The following THSD7B variants were observed in gnomAD, a reference collection of about 807,000 sequenced individuals.
THSD7B encodes thrombospondin type-1 domain-containing protein 7B.
Under a neutral mutation model 213.6 loss-of-function variants are expected in THSD7B, and 138 were observed. The observed-to-expected ratio is 0.65, with a 90% CI of 0.56 to 0.74. The LOEUF (loss-of-function observed/expected upper bound fraction) is 0.74, where lower values mean the gene tolerates loss of function less well. Ranked by LOEUF, THSD7B falls within the 30% of genes least tolerant of loss-of-function variation. THSD7B has a pLI of 0.00. For synonymous variants in THSD7B, 742 were observed against 687.0 expected, an observed-to-expected ratio of 1.08 and a Z score of -1.25; for missense variants, 1,931 against 1,991.5, an observed-to-expected ratio of 0.97 and a Z score of 0.58.
chr2:137,552,846 G>A (rs185244946), intron 15 of THSD7B, among the ~76,000 whole-genome samples: 119 of 152,298 alleles, frequency 7.8e-4, no homozygotes, highest in Non-Finnish European at 1.2e-3. Context: ...GTAAATTGGA[G>A]GAGAGTATAG....
At chr2:136,936,764 A>G (rs1476227201) in intron 2 of THSD7B, among the ~76,000 whole-genome samples, 1 of 152,158 alleles carries the variant, frequency 6.6e-6, no homozygotes, top group Non-Finnish European at 1.5e-5. Context: ...ACGAATCACC[A>G]CTAAAGAGCT....
At chr2:137,144,979 A>T (rs1679665762) in intron 5 of THSD7B, among the ~76,000 whole-genome samples, 1 of 152,038 alleles carries the variant, frequency 6.6e-6, no homozygotes, top group Non-Finnish European at 1.5e-5. Context: ...TAAAAGTAGG[A>T]TATTATTATA....
At chr2:137,403,090 T>C (rs1686410320) in intron 12 of THSD7B, among the ~76,000 whole-genome samples, 1 of 152,140 alleles carries the variant, frequency 6.6e-6, no homozygotes, top group Non-Finnish European at 1.5e-5. Context: ...GTTGGCTTGA[T>C]GTGTGATGGA....
chr2:136,806,472 T>C (rs1454595978), intron 1 of THSD7B, among the ~76,000 whole-genome samples: 2 of 152,226 alleles, frequency 1.3e-5, no homozygotes, highest in African/African-American at 4.8e-5. Flanking sequence ...ACTTAATAAA[T>C]GATAATGGGA....
chr2:137,344,975 G>A (rs1378154939), intron 12 of THSD7B, among the ~76,000 whole-genome samples: 1 of 151,576 alleles, frequency 6.6e-6, no homozygotes, highest in Non-Finnish European at 1.5e-5. Flanking sequence ...TCCCTGTACA[G>A]AGAGTGACTC....
intron 13 of THSD7B, among the ~76,000 whole-genome samples, chr2:137,406,948 C>G (rs1386546044): frequency 6.6e-6 from 1 of 152,234 alleles, no homozygotes; most frequent in South Asian, 2.1e-4. Flanking sequence ...GTTCAGGGGC[C>G]AATGAATGAA....
At chr2:137,530,909 T>G (rs1680385022) in intron 15 of THSD7B, among the ~76,000 whole-genome samples, 1 of 152,012 alleles carries the variant, frequency 6.6e-6, no homozygotes, top group Non-Finnish European at 1.5e-5. Context: ...CATTGGTCCT[T>G]GAATTCCAAT....
chr2:137,342,632 T>C (rs1356887315), intron 12 of THSD7B, among the ~76,000 whole-genome samples: 1 of 151,714 alleles, frequency 6.6e-6, no homozygotes, highest in Non-Finnish European at 1.5e-5. Context: ...TTGAATATAA[T>C]ATTAGCTGTG....
At chr2:136,891,379 G>T (rs1558840909) in intron 2 of THSD7B, among the ~76,000 whole-genome samples, 1 of 152,168 alleles carries the variant, frequency 6.6e-6, no homozygotes, top group Non-Finnish European at 1.5e-5. Context: ...GGGCTTCACT[G>T]TCAAAATATT....
At chr2:137,164,685 G>C (rs1680086504) in intron 6 of THSD7B, among the ~76,000 whole-genome samples, 1 of 152,144 alleles carries the variant, frequency 6.6e-6, no homozygotes. Context: ...ATACACCATA[G>C]AATACTATGC....
At chr2:137,199,881 T>G (rs1220235904) in intron 7 of THSD7B, among the ~76,000 whole-genome samples, 1 of 152,126 alleles carries the variant, frequency 6.6e-6, no homozygotes, top group East Asian at 1.9e-4. Context: ...TAAAATAGTT[T>G]CCAAAGGCCA....
chr2:137,052,574 T>G (rs1421548156), intron 2 of THSD7B, among the ~76,000 whole-genome samples: 1 of 152,100 alleles, frequency 6.6e-6, no homozygotes, highest in Non-Finnish European at 1.5e-5. Flanking sequence ...AAGCAAGGTT[T>G]TTTTGTATGT....
intron 2 of THSD7B, among the ~76,000 whole-genome samples, chr2:137,056,063 GT>G (rs1182675697): frequency 6.6e-6 from 1 of 152,172 alleles, no homozygotes; most frequent in Non-Finnish European, 1.5e-5. Flanking sequence ...GAACGTAGTA[GT>G]TATAATGGTA....
chr2:136,828,523 T>A (rs916815364), intron 1 of THSD7B, among the ~76,000 whole-genome samples: 2 of 152,224 alleles, frequency 1.3e-5, no homozygotes, highest in Admixed American at 1.3e-4. Flanking sequence ...GATATGTACA[T>A]CTGGCAATAT....
Position 137,656,934 on chromosome 2 carries a change from G to A in THSD7B, c.4244G>A (p.Cys1415Tyr), listed in dbSNP as rs1418024502. 5 of 1,613,878 alleles carry A rather than the reference G, an allele frequency of 3.1e-6. No individual in the cohort carries two copies. Among genetic ancestry groups the A allele is most frequent in the Non-Finnish European group, 4.2e-6 (5 of 1,179,888 alleles). Residue 1415 changes from cysteine to tyrosine, a missense_variant, in exon 23 of 28, where the codon TGC becomes TAC. Transcript: ENST00000409968. ...IIQSFENQDS[C>Y]PQQVLETRPC... The stretch of plus-strand genomic sequence containing the variant: ...CAGTCTTTTGAGAACCAAGACAGCT[G>A]CCCCCAACAGGTTCTAGAAACACGC...
At chr2:137,660,372 C>T (rs1285073261) in intron 25 of THSD7B, among the ~76,000 whole-genome samples, 2 of 150,216 alleles carry the variant, frequency 1.3e-5, no homozygotes, top group African/African-American at 4.9e-5. Context: ...AACTATACTA[C>T]ATTTTTTAAA....
intron 15 of THSD7B, among the ~76,000 whole-genome samples, chr2:137,556,549 A>C (rs896539778): frequency 1.3e-5 from 2 of 152,210 alleles, no homozygotes; most frequent in African/African-American, 4.8e-5. Flanking sequence ...AAAGCACTAA[A>C]CATGGAAAGG....
At chr2:137,608,329 A>G (rs1166377730) in intron 17 of THSD7B, among the ~76,000 whole-genome samples, 1 of 151,146 alleles carries the variant, frequency 6.6e-6, no homozygotes, top group Non-Finnish European at 1.5e-5. Context: ...TTTTCAGATT[A>G]CAATAACTGC....
At chr2:136,774,004 TC>T (rs1681557559) in intron 1 of THSD7B, among the ~76,000 whole-genome samples, 1 of 151,988 alleles carries the variant, frequency 6.6e-6, no homozygotes, top group South Asian at 2.1e-4. Context: ...AAAAACTGAA[TC>T]CCACATACCT....
Sources: gnomAD v4.1 joint callset for allele counts (sites outside exome capture counted in the v4.1 genomes callset) on GRCh38, gnomAD v4.1.1 for gene constraint, MANE v1.5 for transcripts, NCBI Gene and HGNC (gene_info 2026-07-23, HGNC 2026-07-21) for gene names.